The following DMP1 variants were observed in gnomAD, a reference collection of about 807,000 sequenced individuals.
DMP1 encodes dentin matrix protein 1.
A neutral mutation model predicts 14.6 loss-of-function variants in DMP1; 20 were observed. That is an observed-to-expected ratio of 1.37 (90% CI 0.96 to 1.99). DMP1 has a LOEUF of 1.99. Ranked by LOEUF, DMP1 falls within the 30% of genes most tolerant of loss-of-function variation. DMP1 has a pLI of 0.00. For synonymous variants in DMP1, 197 were observed against 215.3 expected (o/e 0.91, Z 0.75); for missense variants, 567 against 620.5 (o/e 0.91, Z 0.92).
chr4:87,656,356 T>C (rs1728692021), intron 1 of DMP1, 116 bp from the exon 2 acceptor site: 2 of 726,044 alleles, frequency 2.8e-6, no homozygotes, highest in Non-Finnish European at 2.5e-6. Context: ...ATTTTATTTA[T>C]CCATTCATCA....
At chr4:87,654,144 T>G (rs1728616992) in intron 1 of DMP1, among the ~76,000 whole-genome samples, 1 of 152,172 alleles carries the variant, frequency 6.6e-6, no homozygotes. Flanking sequence ...GCGGGTCTTA[T>G]GACATACAAT....
rs769172615 is a variant in DMP1, at chr4:87,663,077, C to G, written c.1299C>G (p.Leu433=). 8 of 1,614,182 alleles carry G rather than the reference C, an allele frequency of 5.0e-6. No homozygotes were observed. The East Asian group carries it at 1.6e-4, about 31-fold the overall frequency. Residue 433 remains leucine (L), a synonymous_variant, in exon 6 of 6, where the codon CTC becomes CTG. Coordinates refer to ENST00000339673, the MANE Select transcript of DMP1 (RefSeq NM_004407.4). ...EDENSSSQEG[L]QSHSSSAESQ... ...AGAACAGCTCCAGCCAGGAGGGCCT[C>G]CAGTCTCACAGCAGCTCAGCAGAGA... is the stretch of plus-strand genomic sequence containing the variant.
chr4:87,662,964 A>G lies in DMP1; in HGVS notation c.1186A>G (p.Lys396Glu). ...CAGCTCGCACACACTCTCCCACTCAAAAAGTGAATCCAGAGAGGAGCAAGC... is the reference window on the plus strand; with the variant it reads ...CAGCTCGCACACACTCTCCCACTCAGAAAGTGAATCCAGAGAGGAGCAAGC... Reference protein sequence around the residue: ...EDSSHTLSHSKSESREEQADS... With the variant: ...EDSSHTLSHSESESREEQADS... Residue 396 changes from lysine to glutamate, a missense_variant, in exon 6 of 6, where the codon AAA becomes GAA. Physicochemically the swap from Lys to Glu is moderately conservative, Grantham distance 56. Coordinates refer to ENST00000339673, the MANE Select transcript of DMP1 (RefSeq NM_004407.4). 1.2e-6 allele frequency: 2 copies of G among 1,614,138 alleles called. No homozygotes were observed. The highest frequency in any genetic ancestry group is 2.2e-5 in the South Asian group (2 of 91,072).
intron 5 of DMP1, chr4:87,660,934 A>T (rs1728844848): frequency 6.6e-6 from 1 of 152,230 alleles, no homozygotes; most frequent in Non-Finnish European, 1.5e-5. Flanking sequence ...TCATTTTAAG[A>T]TCACTCAATA....
intron 1 of DMP1, among the ~76,000 whole-genome samples, chr4:87,654,567 A>G (rs1728632265): frequency 6.6e-6 from 1 of 152,194 alleles, no homozygotes; most frequent in Non-Finnish European, 1.5e-5. Flanking sequence ...TCTATGGTCC[A>G]TGTTTGTTTA....
chr4:87,663,542 G>C lies in DMP1; in HGVS notation c.*222G>C. 1.6e-6 allele frequency: 1 copy of C among 629,848 alleles called. No individual in the cohort carries two copies. The highest frequency in any genetic ancestry group is 2.7e-6 in the Non-Finnish European group (1 of 368,602). The allele number at this position is 629,848 out of a possible 1,614,324, so 39.0% of individuals were successfully genotyped here. ...CACCAGAACACAGCCAAAGAGGCTA[G>C]AAGCAAGAAAGGATCTGCATGATAA... On this transcript the variant is annotated 3_prime_UTR_variant, in exon 6 of 6. Transcript: ENST00000339673.
intron 1 of DMP1, among the ~76,000 whole-genome samples, chr4:87,652,149 G>T (rs886790802): frequency 1.3e-5 from 2 of 151,970 alleles, no homozygotes; most frequent in Non-Finnish European, 2.9e-5. Flanking sequence ...CTTTTGTTAC[G>T]TCATCTCACT....
At position 87,662,372 on chromosome 4, in the gene DMP1, T is replaced by C; in HGVS notation, c.594T>C (p.Ser198=). 1 of 1,613,900 alleles carries C rather than the reference T, an allele frequency of 6.2e-7. No homozygotes were observed. Among genetic ancestry groups the C allele is most frequent in the Non-Finnish European group, 8.5e-7 (1 of 1,179,992 alleles). Reference sequence around the variant, plus strand: ...AAGAGCACTGGGTGGGAGGTGGCAGTGATGGGGAGAGCAGCCATGGAGACG... The same window carrying C: ...AAGAGCACTGGGTGGGAGGTGGCAGCGATGGGGAGAGCAGCCATGGAGACG... The part of the protein sequence containing the change: ...ESEEHWVGGG[S]DGESSHGDGS... Residue 198 remains serine, a synonymous_variant, in exon 6 of 6, where the codon AGT becomes AGC. Coordinates refer to ENST00000339673, the MANE Select transcript of DMP1 (RefSeq NM_004407.4).
chr4:87,661,243 G>T (rs1304677165), intron 5 of DMP1, among the ~76,000 whole-genome samples: 2 of 77,188 alleles, frequency 2.6e-5, no homozygotes, highest in African/African-American at 5.7e-5. Context: ...TTTTTTTTGA[G>T]ACGGAGTCTC....
chr4:87,659,397 C>A (rs368234591), intron 4 of DMP1, 34 bp from the exon 5 acceptor site: 83 of 1,611,696 alleles, frequency 5.1e-5, no homozygotes, highest in Non-Finnish European at 6.5e-5. Flanking sequence ...TAAGGAATTA[C>A]TAAAAAGAAA....
Position 87,662,721 on chromosome 4 carries a change from G to C in DMP1, c.943G>C (p.Gly315Arg), listed in dbSNP as rs149603030. The change falls in exon 6 of 6, where the codon GGT (glycine) becomes CGT (arginine). Residue 315 changes from glycine (G) to arginine (R), a missense_variant. Transcript: ENST00000339673. ...GLSQPRRDSK[G>R]DSQEDSKENL... ...CAGCCAACCCAGGAGAGACAGCAAG[G>C]GTGACTCTCAAGAAGACAGCAAGGA... The C allele has an allele frequency of 3.6e-4, 574 of 1,614,032 alleles. 5 individuals carry two copies. Among genetic ancestry groups the C allele is most frequent in the Non-Finnish European group, 5.4e-5 (64 of 1,180,046 alleles).
At chr4:87,656,422 C>T (rs1299244692) in intron 1 of DMP1, 50 bp from the exon 2 acceptor site, 2 of 1,077,520 alleles carry the variant, frequency 1.9e-6, no homozygotes, top group Non-Finnish European at 2.9e-6. Flanking sequence ...AAAGTTGAAA[C>T]TACTTTATTC....
At chr4:87,659,641 G>T (rs1728800790) in intron 5 of DMP1, among the ~76,000 whole-genome samples, 163 bp downstream of exon 5, 1 of 152,196 alleles carries the variant, frequency 6.6e-6, no homozygotes, top group Non-Finnish European at 1.5e-5. Context: ...TGAGTAAGGA[G>T]AATTCACATG....
Position 87,656,161 on chromosome 4 carries a change from CT to C in DMP1, c.-21-306del, listed in dbSNP as rs1301069600. Among the ~76,000 whole-genome samples, 5 of 152,286 alleles carry C rather than the reference CT, an allele frequency of 3.3e-5. No individual in the cohort carries two copies. The East Asian group carries it at 9.6e-4, about 29-fold the overall frequency. ...CAAGCTCTGGGCAACCACTAGTCTA[CT>C]TTTTGTCTCTGTAGATTTGCCTATT... On this transcript the variant is annotated intron_variant, in intron 1 of 5. Coordinates refer to ENST00000339673, the MANE Select transcript of DMP1 (RefSeq NM_004407.4).
chr4:87,655,537 A>G (rs1472116734), intron 1 of DMP1, among the ~76,000 whole-genome samples: 2 of 79,252 alleles, frequency 2.5e-5, no homozygotes, highest in Admixed American at 1.3e-4. Context: ...GTCACAGTAG[A>G]TATTAAGAGC....
chr4:87,657,590 A>G (rs888751567), intron 3 of DMP1, among the ~76,000 whole-genome samples: 4 of 152,186 alleles, frequency 2.6e-5, no homozygotes, highest in African/African-American at 9.7e-5. Flanking sequence ...ACCTCTGTGA[A>G]TTAGGTATTA....
chr4:87,659,550 C>A, intron 5 of DMP1, 72 bp downstream of exon 5: 1 of 1,369,538 alleles, frequency 7.3e-7, no homozygotes, highest in Non-Finnish European at 1.0e-6. Context: ...GATTAAATTA[C>A]CTGGCGACAG....
chr4:87,653,550 T>A (rs1728596509), intron 1 of DMP1, among the ~76,000 whole-genome samples: 1 of 150,708 alleles, frequency 6.6e-6, no homozygotes, highest in South Asian at 2.1e-4. Context: ...CTCAGCCTCC[T>A]GAGTAGCTGG....
intron 5 of DMP1, among the ~76,000 whole-genome samples, chr4:87,661,404 A>G (rs1728872474): frequency 6.6e-6 from 1 of 151,354 alleles, no homozygotes; most frequent in Admixed American, 6.6e-5. Context: ...TGTATTTTTT[A>G]GTAGAGACGG....
Sources: allele counts gnomAD v4.1 joint callset (sites outside exome capture counted in the v4.1 genomes callset), GRCh38; gene constraint gnomAD v4.1.1; transcripts MANE v1.5; gene names NCBI Gene and HGNC (gene_info 2026-07-23, HGNC 2026-07-21).